Variants in NKAIN3 observed in about 807,000 individuals in gnomAD.
NKAIN3 encodes the protein sodium/potassium-transporting ATPase subunit beta-1-interacting protein 3.
A neutral mutation model predicts 30.2 loss-of-function variants in NKAIN3; 25 were observed. That is an observed-to-expected ratio of 0.83 (90% CI 0.60 to 1.16). NKAIN3 has a LOEUF of 1.16. Ranked by LOEUF, NKAIN3 falls within the 50% of genes most tolerant of loss-of-function variation. NKAIN3 has a pLI of 0.00. For synonymous variants in NKAIN3, 91 were observed against 89.6 expected (o/e 1.02, Z -0.09); for missense variants, 225 against 254.1 (o/e 0.89, Z 0.78).
intron 4 of NKAIN3, among the ~76,000 whole-genome samples, chr8:62,819,150 T>C (rs1586233476): frequency 9.8e-6 from 1 of 102,046 alleles, no homozygotes; most frequent in Non-Finnish European, 2.3e-5. Flanking sequence ...TATATATATA[T>C]ACATATATAT....
intron 1 of NKAIN3, among the ~76,000 whole-genome samples, chr8:62,560,322 G>A (rs1163159562): frequency 1.3e-5 from 2 of 151,838 alleles, no homozygotes; most frequent in African/African-American, 2.4e-5. Context: ...AATTTGGGGA[G>A]TTTTCAGCCA....
At chr8:62,614,082 G>A (rs947810722) in intron 3 of NKAIN3, among the ~76,000 whole-genome samples, 1 of 152,074 alleles carries the variant, frequency 6.6e-6, no homozygotes, top group South Asian at 2.1e-4. Flanking sequence ...GCTAGTAGAT[G>A]TTCTTCAGTA....
At chr8:62,889,093 G>T (rs1821227210) in intron 4 of NKAIN3, among the ~76,000 whole-genome samples, 1 of 152,088 alleles carries the variant, frequency 6.6e-6, no homozygotes, top group Admixed American at 6.5e-5. Flanking sequence ...AACAGTCCAG[G>T]CACGGTGACT....
chr8:62,978,969 A>T lies in NKAIN3; in HGVS notation c.*13562A>T, dbSNP rs1585640584. The T allele has an allele frequency of 6.6e-6, 1 of 152,620 alleles. No homozygotes were observed. The highest frequency in any genetic ancestry group is 2.4e-5 in the African/African-American group (1 of 41,324). 9.5% of individuals were successfully genotyped at this position (152,620 alleles called of 1,614,324 possible). A position where few individuals can be genotyped will look rare whatever the true frequency, so the allele number is the denominator to read the frequency against. On this transcript the variant is annotated 3_prime_UTR_variant, in exon 7 of 7. Transcript: ENST00000623646. ...ATGGCTTCCCTTGGCTAGGGGAGGG[A>T]GTTCCCCAACCCCTTGCACTTCCCA... is the stretch of plus-strand genomic sequence containing the variant.
chr8:62,990,402 T>A (rs190649774), intron 5 of NKAIN3: 1 of 1,202,328 alleles, frequency 8.3e-7, no homozygotes, highest in East Asian at 3.3e-5. Flanking sequence ...AGCATAGGTT[T>A]TTTTTTAACC....
intron 1 of NKAIN3, among the ~76,000 whole-genome samples, chr8:62,541,999 C>A (rs1021407618): frequency 1.3e-5 from 2 of 152,128 alleles, no homozygotes; most frequent in Non-Finnish European, 2.9e-5. Flanking sequence ...TGCCTGTGGA[C>A]CTCACTGTAA....
At chr8:62,700,805 A>T (rs1814309422) in intron 3 of NKAIN3, among the ~76,000 whole-genome samples, 1 of 152,234 alleles carries the variant, frequency 6.6e-6, no homozygotes, top group Non-Finnish European at 1.5e-5. Flanking sequence ...AAGAAGTTAG[A>T]CCTTTTGTTT....
chr8:62,956,990 T>C (rs372449068), intron 6 of NKAIN3, among the ~76,000 whole-genome samples: 3 of 152,232 alleles, frequency 2.0e-5, no homozygotes, highest in South Asian at 4.1e-4. Context: ...AGAATAAATA[T>C]AACTATATTG....
At chr8:62,486,732 C>A (rs1806915452) in intron 1 of NKAIN3, among the ~76,000 whole-genome samples, 1 of 152,184 alleles carries the variant, frequency 6.6e-6, no homozygotes, top group Non-Finnish European at 1.5e-5. Flanking sequence ...CTGGGCAGTT[C>A]TCCTGCCATT....
intron 1 of NKAIN3, among the ~76,000 whole-genome samples, chr8:62,404,576 G>C (rs1167894560): frequency 6.6e-6 from 1 of 152,122 alleles, no homozygotes; most frequent in Non-Finnish European, 1.5e-5. Context: ...CTGTCACCAT[G>C]AAAAGAAGGA....
Position 62,744,425 on chromosome 8 carries a change from T to C in NKAIN3, c.274-2507T>C, listed in dbSNP as rs563557346. Among the ~76,000 whole-genome samples, 5 of 152,332 alleles carry C rather than the reference T, an allele frequency of 3.3e-5. No homozygotes were observed. In the East Asian group the frequency reaches 7.7e-4, roughly 23 times the overall value. The stretch of plus-strand genomic sequence containing the variant: ...CAAATATGTATGATTAGTTCATAAA[T>C]TGACTCTTGTTTTATTTGTATAATA... On this transcript the variant is annotated intron_variant, in intron 3 of 6. Coordinates refer to ENST00000623646, the MANE Select transcript of NKAIN3 (RefSeq NM_001304533.3).
At chr8:62,813,438 C>T (rs764297604) in intron 4 of NKAIN3, among the ~76,000 whole-genome samples, 20 of 149,170 alleles carry the variant, frequency 1.3e-4, no homozygotes, top group East Asian at 1.2e-3. Flanking sequence ...TTTCACTTTA[C>T]GTCTGTGTGT....
intron 4 of NKAIN3, among the ~76,000 whole-genome samples, chr8:62,789,247 A>C (rs1303624033): frequency 6.6e-6 from 1 of 152,070 alleles, no homozygotes; most frequent in Admixed American, 6.6e-5. Context: ...GAGGTCCTTC[A>C]CATCCCTTGT....
chr8:62,285,643 C>T (rs185529910), intron 1 of NKAIN3, among the ~76,000 whole-genome samples: 1 of 152,162 alleles, frequency 6.6e-6, no homozygotes, highest in East Asian at 1.9e-4. Context: ...GGTATTGGTC[C>T]CCCTGCCATC....
At chr8:62,885,584 G>C (rs1209151731) in intron 4 of NKAIN3, among the ~76,000 whole-genome samples, 6 of 152,182 alleles carry the variant, frequency 3.9e-5, no homozygotes, top group Non-Finnish European at 7.4e-5. Flanking sequence ...GGACATTGAA[G>C]TCTCCAAGTA....
intron 1 of NKAIN3, among the ~76,000 whole-genome samples, chr8:62,427,639 G>A (rs1183341539): frequency 1.3e-5 from 2 of 151,814 alleles, no homozygotes; most frequent in Admixed American, 6.6e-5. Flanking sequence ...CTTCCTACAA[G>A]TGTCATGTTT....
chr8:62,786,327 G>A (rs1328449326), intron 4 of NKAIN3, among the ~76,000 whole-genome samples: 2 of 151,992 alleles, frequency 1.3e-5, no homozygotes, highest in Admixed American at 6.6e-5. Context: ...TATCCCATCT[G>A]GGGTAATATT....
intron 1 of NKAIN3, among the ~76,000 whole-genome samples, chr8:62,421,023 C>G (rs16928880): frequency 0.031 from 4,751 of 152,198 alleles, 280 homozygotes; most frequent in African/African-American, 0.11. Flanking sequence ...AGATAATCCA[C>G]TCATCATTCT....
At chr8:62,318,882 T>A (rs1424775611) in intron 1 of NKAIN3, among the ~76,000 whole-genome samples, 1 of 152,164 alleles carries the variant, frequency 6.6e-6, no homozygotes, top group Non-Finnish European at 1.5e-5. Context: ...CTTTTTCTAT[T>A]GATTGGAATA....
Sources: allele counts gnomAD v4.1 joint callset (sites outside exome capture counted in the v4.1 genomes callset), GRCh38; gene constraint gnomAD v4.1.1; transcripts MANE v1.5; gene names NCBI Gene and HGNC (gene_info 2026-07-23, HGNC 2026-07-21).